The following CFH variants were observed in gnomAD, a reference collection of about 807,000 sequenced individuals.
CFH encodes the protein complement factor H.
In CFH, 53 loss-of-function variants were observed where a neutral mutation model predicts 147.3. The ratio of observed to expected loss-of-function variants is 0.36; its 90% CI spans 0.29 to 0.45. The LOEUF (loss-of-function observed/expected upper bound fraction) is 0.45, where lower values mean the gene tolerates loss of function less well. CFH is among the 20% of genes least tolerant of loss of function. The pLI is 1.00. For missense variants in CFH, 1,380 were observed against 1,498.0 expected (o/e 0.92, Z 1.30); for synonymous variants, 536 against 489.4 (o/e 1.10, Z -1.26).
Position 196,742,023 on chromosome 1 carries a change from C to A in CFH, c.3105C>A (p.Ser1035Arg), listed in dbSNP as rs930744128. Reference protein sequence around the residue: ...DGASNVTCINSRWTGRPTCRD... With the variant: ...DGASNVTCINRRWTGRPTCRD... Reference sequence around the variant, plus strand: ...CCAGTAATGTAACATGCATTAATAGCAGATGGACAGGAAGGCCAACATGCA... The same window carrying A: ...CCAGTAATGTAACATGCATTAATAGAAGATGGACAGGAAGGCCAACATGCA... The change falls in exon 19 of 22, where the codon AGC (serine) becomes AGA (arginine). Residue 1035 changes from serine (S) to arginine (R), a missense_variant. Ser to Arg is a moderately radical substitution (Grantham distance 110, BLOSUM62 -1). This residue lies in a region of CFH where 830 missense variants were observed against 821.4 expected (regional missense o/e 1.01). Coordinates refer to ENST00000367429, the MANE Select transcript of CFH (RefSeq NM_000186.4). 1.9e-6 allele frequency: 3 copies of A among 1,614,002 alleles called. No individual in the cohort carries two copies. In the African/African-American group the frequency reaches 4.0e-5, roughly 22 times the overall value.
At chr1:196,712,464 T>C (rs1429727061) in intron 9 of CFH, among the ~76,000 whole-genome samples, 1 of 151,748 alleles carries the variant, frequency 6.6e-6, no homozygotes, top group East Asian at 1.9e-4. Flanking sequence ...TCTCACCAAG[T>C]TTAATTTAAT....
chr1:196,744,576 A>T (rs570890434), intron 20 of CFH, among the ~76,000 whole-genome samples: 4 of 152,256 alleles, frequency 2.6e-5, no homozygotes, highest in African/African-American at 9.6e-5. Context: ...TGACATTTAA[A>T]TCTACAACTG....
chr1:196,706,201 T>G (rs1668585071), intron 9 of CFH, among the ~76,000 whole-genome samples: 2 of 152,152 alleles, frequency 1.3e-5, no homozygotes, highest in Non-Finnish European at 2.9e-5. Context: ...CCGATTACTC[T>G]GATTCCAGGT....
At chr1:196,687,987 A>G (rs1200306381) in intron 7 of CFH, among the ~76,000 whole-genome samples, 2 of 151,996 alleles carry the variant, frequency 1.3e-5, no homozygotes, top group African/African-American at 4.8e-5. Context: ...AAATGTAGAA[A>G]CTACATGAAA....
rs150315906 is a variant in CFH, at chr1:196,680,275, T to A, written c.790+482T>A. Among the ~76,000 whole-genome samples, 429 of 146,608 alleles carry A rather than the reference T, an allele frequency of 2.9e-3. 1 individual carries two copies. Among genetic ancestry groups the A allele is most frequent in the East Asian group, 0.02 (101 of 4,990 alleles). ...ATATTTTTGTTAACAACAGGCCCAGTATGACTCAACGGTGATGATGGTCCT... is the reference window on the plus strand; with the variant it reads ...ATATTTTTGTTAACAACAGGCCCAGAATGACTCAACGGTGATGATGGTCCT... On this transcript the variant is annotated intron_variant, in intron 6 of 21. Coordinates refer to ENST00000367429, the MANE Select transcript of CFH (RefSeq NM_000186.4).
At chr1:196,723,652 T>C (rs1472240262) in intron 11 of CFH, among the ~76,000 whole-genome samples, 1 of 151,966 alleles carries the variant, frequency 6.6e-6, no homozygotes, top group African/African-American at 2.4e-5. Context: ...AAAGGTACAG[T>C]GGTCTGAGGA....
chr1:196,655,083 G>A (rs976438711), intron 1 of CFH, among the ~76,000 whole-genome samples: 1 of 151,468 alleles, frequency 6.6e-6, no homozygotes, highest in Non-Finnish European at 1.5e-5. Context: ...TACATGGAAT[G>A]ACAAATACAC....
At chr1:196,685,030 T>C (rs1667778637) in intron 6 of CFH, 34 bp from the exon 7 acceptor site, 1 of 1,467,222 alleles carries the variant, frequency 6.8e-7, no homozygotes, top group East Asian at 2.3e-5. Flanking sequence ...GGATACTTAT[T>C]TCTGCATTAT....
chr1:196,694,637 C>T (rs1156468358), intron 9 of CFH, among the ~76,000 whole-genome samples: 1 of 152,198 alleles, frequency 6.6e-6, no homozygotes, highest in East Asian at 1.9e-4. Context: ...TAAAACTTTC[C>T]TATTTCTCCG....
chr1:196,663,267 A>G (rs1241284189), intron 1 of CFH, among the ~76,000 whole-genome samples: 1 of 152,074 alleles, frequency 6.6e-6, no homozygotes, highest in African/African-American at 2.4e-5. Flanking sequence ...TATTTTCCAC[A>G]CATGTGTGTC....
chr1:196,694,339 T>C (rs1487989277), intron 9 of CFH, among the ~76,000 whole-genome samples: 1 of 152,040 alleles, frequency 6.6e-6, no homozygotes. Flanking sequence ...ACGAACTCAT[T>C]CAATTTATGG....
intron 9 of CFH, among the ~76,000 whole-genome samples, chr1:196,692,593 CTCTTCCT>C (rs1668072370): frequency 3.3e-5 from 2 of 61,370 alleles, no homozygotes; most frequent in African/African-American, 1.2e-4. Flanking sequence ...TTCTTTCCTT[CTCTTCCT>C]TCTTTCTTTT....
intron 11 of CFH, 104 bp downstream of exon 11, chr1:196,715,873 T>C (rs985780501): frequency 1.7e-5 from 16 of 946,228 alleles, no homozygotes; most frequent in Admixed American, 7.4e-5. Context: ...GAATGTTGAT[T>C]AAAATCAAGA....
At chr1:196,721,481 T>A (rs1668996812) in intron 11 of CFH, among the ~76,000 whole-genome samples, 1 of 152,062 alleles carries the variant, frequency 6.6e-6, no homozygotes, top group African/African-American at 2.4e-5. Context: ...TAGCATATGG[T>A]CTATTTTGGA....
chr1:196,653,590 T>C (rs573648251), intron 1 of CFH, among the ~76,000 whole-genome samples: 1 of 151,980 alleles, frequency 6.6e-6, no homozygotes, highest in Non-Finnish European at 1.5e-5. Flanking sequence ...AAATCAAGAA[T>C]CAATGGCAAG....
intron 9 of CFH, 72 bp downstream of exon 9, chr1:196,690,311 A>C: frequency 1.8e-4 from 295 of 1,594,940 alleles, no homozygotes; most frequent in Non-Finnish European, 2.4e-4. Flanking sequence ...TCTAAGACTC[A>C]TCTATATTAA....
intron 15 of CFH, among the ~76,000 whole-genome samples, chr1:196,734,516 T>G (rs1361980678): frequency 1.3e-5 from 2 of 152,144 alleles, no homozygotes; most frequent in Non-Finnish European, 2.9e-5. Flanking sequence ...TAGTTCACTC[T>G]TATCTTTCCT....
Position 196,715,761 on chromosome 1 carries a change from T to C in CFH, c.1688T>C (p.Ile563Thr), listed in dbSNP as rs767435695. The change falls in exon 11 of 22, where the codon ATA becomes ACA. Residue 563 changes from isoleucine to threonine, a missense_variant. Around this residue, in one of 4 missense-constraint regions of CFH, gnomAD observed 830 missense variants for 821.4 expected, o/e 1.01. Transcript: ENST00000367429. Reference protein sequence around the residue: ...CGYNGWSDLPICYERECELPK... With the variant: ...CGYNGWSDLPTCYERECELPK... ...TACAATGGTTGGTCTGATTTACCCA[T>C]ATGTTATGGTAAGTACTGGTTTTTC... 16 of 1,610,172 alleles carry C rather than the reference T, an allele frequency of 9.9e-6. No individual in the cohort carries two copies. Among genetic ancestry groups the C allele is most frequent in the Non-Finnish European group, 1.4e-5 (16 of 1,177,560 alleles).
chr1:196,657,283 C>T (rs1359612848), intron 1 of CFH, among the ~76,000 whole-genome samples: 3 of 152,030 alleles, frequency 2.0e-5, no homozygotes, highest in Non-Finnish European at 4.4e-5. Context: ...TCTTTATTCT[C>T]ATGTTATTTA....
Sources: gnomAD v4.1 joint callset for allele counts (sites outside exome capture counted in the v4.1 genomes callset) on GRCh38, gnomAD v4.1.1 for gene constraint, gnomAD v4.1.1 regional missense constraint, MANE v1.5 for transcripts, NCBI Gene and HGNC (gene_info 2026-07-23, HGNC 2026-07-21) for gene names.